The following RPA1 variants were observed in gnomAD, a reference collection of about 807,000 sequenced individuals.
The protein encoded by RPA1 is replication protein A 70 kDa DNA-binding subunit.
Under a neutral mutation model 83.0 loss-of-function variants are expected in RPA1, and 49 were observed. The ratio of observed to expected loss-of-function variants is 0.59; its 90% confidence interval spans 0.47 to 0.75. The LOEUF (loss-of-function observed/expected upper bound fraction) is 0.75. RPA1 is among the 30% of genes least tolerant of loss of function. The pLI is 0.00. For synonymous variants in RPA1, 279 were observed against 281.8 expected (o/e 0.99, Z 0.10); for missense variants, 693 against 776.1 (o/e 0.89, Z 1.27).
At chr17:1,872,230 C>T in intron 5 of RPA1, 1 of 689,730 alleles carries the variant, frequency 1.4e-6, no homozygotes, top group Non-Finnish European at 2.4e-6. Context: ...TAGATGGAGC[C>T]AACCTTTTGT....
rs368530033 is a variant in RPA1, at chr17:1,879,340, A to C, written c.885A>C (p.Leu295Phe). Residue 295 changes from leucine to phenylalanine, a missense_variant, in exon 10 of 17, where the codon TTA (leucine) becomes TTC (phenylalanine). Physicochemically the swap from Leu to Phe is conservative, Grantham distance 22. Transcript: ENST00000254719. ...SVMPCEDDHH[L>F]PTVQFDFTGI... ...TGCCCTGTGAGGACGACCATCATTT[A>C]CCTACGGTTCAGTTTGATTTCACGG... 22 of 1,614,174 alleles carry C rather than the reference A, an allele frequency of 1.4e-5. No homozygotes were observed. Among genetic ancestry groups the C allele is most frequent in the South Asian group, 4.4e-5 (4 of 91,080 alleles).
intron 5 of RPA1, among the ~76,000 whole-genome samples, chr17:1,859,810 T>A (rs1183418373): frequency 7.9e-5 from 12 of 151,928 alleles, no homozygotes; most frequent in Non-Finnish European, 1.6e-4. Flanking sequence ...TTATTTTGTT[T>A]TTTATTTATT....
intron 4 of RPA1, among the ~76,000 whole-genome samples, chr17:1,845,984 T>C (rs1362835990): frequency 1.3e-5 from 2 of 152,150 alleles, no homozygotes; most frequent in African/African-American, 4.8e-5. Flanking sequence ...ATGATAACAA[T>C]ACTAAGAGGT....
intron 5 of RPA1, chr17:1,854,092 A>G (rs1405214473): frequency 6.6e-6 from 1 of 152,226 alleles, no homozygotes; most frequent in African/African-American, 2.4e-5. Context: ...TGTATAGAAA[A>G]GCACATTGAA....
chr17:1,844,097 C>T (rs1019523013), intron 3 of RPA1, 99 bp downstream of exon 3: 13 of 981,642 alleles, frequency 1.3e-5, no homozygotes, highest in South Asian at 5.8e-5. Context: ...TCGTGAAGTC[C>T]GTACTTGCTT....
chr17:1,857,258 TTTC>T (rs1055039766), intron 5 of RPA1, among the ~76,000 whole-genome samples: 4 of 121,630 alleles, frequency 3.3e-5, no homozygotes, highest in Non-Finnish European at 4.9e-5. Flanking sequence ...TTTTTTTCTT[TTTC>T]TTTTTCTTTT....
At chr17:1,875,327 C>T (rs1373145293) in intron 6 of RPA1, among the ~76,000 whole-genome samples, 8 of 152,158 alleles carry the variant, frequency 5.3e-5, no homozygotes, top group African/African-American at 7.2e-5. Flanking sequence ...TTATCTTGCC[C>T]GTTGAGGCAA....
At chr17:1,852,968 G>T in intron 4 of RPA1, 133 bp from the exon 5 acceptor site, 3 of 690,750 alleles carry the variant, frequency 4.3e-6, no homozygotes, top group Non-Finnish European at 5.0e-6. Flanking sequence ...AAGATGAAGA[G>T]AAATATTTAT....
chr17:1,875,831 T>G (rs753625984), intron 7 of RPA1, 38 bp downstream of exon 7: 38 of 1,577,818 alleles, frequency 2.4e-5, no homozygotes, highest in Middle Eastern at 3.4e-4. Flanking sequence ...AGTGTACTTA[T>G]GAAATCGGAG....
intron 5 of RPA1, among the ~76,000 whole-genome samples, chr17:1,859,158 C>T (rs918050351): frequency 6.6e-6 from 1 of 152,158 alleles, no homozygotes; most frequent in Non-Finnish European, 1.5e-5. Context: ...CTGCCTTGGC[C>T]TCCCAAAGTG....
At chr17:1,848,008 TC>T (rs35580146) in intron 4 of RPA1, among the ~76,000 whole-genome samples, 206 of 122,316 alleles carry the variant, frequency 1.7e-3, no homozygotes, top group Admixed American at 3.4e-3. Context: ...AGACCCCATC[TC>T]CAAAAAAAAA....
chr17:1,839,314 T>G lies in RPA1; in HGVS notation c.34-3489T>G, dbSNP rs935047392. On this transcript the variant is annotated intron_variant, in intron 1 of 16. Transcript: ENST00000254719. ...ATCTGGCATTGTAAATTCTCCAGCT[T>G]CATTTTTATTTTTTATTTTTTATTT... is the stretch of plus-strand genomic sequence containing the variant. Among the ~76,000 whole-genome samples the G allele has an allele frequency of 7.3e-4, 111 of 152,044 alleles. 1 individual carries two copies. Among genetic ancestry groups the G allele is most frequent in the African/African-American group, 2.4e-3 (98 of 41,500 alleles).
intron 8 of RPA1, 143 bp downstream of exon 8, chr17:1,877,457 C>G (rs1051803359): frequency 3.0e-6 from 2 of 677,446 alleles, no homozygotes; most frequent in African/African-American, 3.6e-5. Context: ...AAACAGAAGG[C>G]TCAGCTCTGC....
intron 1 of RPA1, among the ~76,000 whole-genome samples, chr17:1,841,804 T>A (rs188001857): frequency 6.6e-6 from 1 of 152,222 alleles, no homozygotes. Flanking sequence ...GCATTACTTC[T>A]ATGCCTAGTT....
chr17:1,870,807 A>G (rs1447439438), intron 5 of RPA1, among the ~76,000 whole-genome samples: 1 of 152,136 alleles, frequency 6.6e-6, no homozygotes, highest in Non-Finnish European at 1.5e-5. Flanking sequence ...TCAGCAGGGG[A>G]TTTTCTAGTT....
chr17:1,846,816 G>A (rs1481741660), intron 4 of RPA1, among the ~76,000 whole-genome samples: 3 of 152,060 alleles, frequency 2.0e-5, no homozygotes, highest in Admixed American at 6.6e-5. Flanking sequence ...TCTGATGGAT[G>A]CATTGGCTTG....
chr17:1,849,415 C>T (rs1309927671), intron 4 of RPA1, among the ~76,000 whole-genome samples: 29 of 151,532 alleles, frequency 1.9e-4, no homozygotes, highest in Non-Finnish European at 3.7e-4. Context: ...GCCTCAGCCT[C>T]CCCAGTAGCT....
At chr17:1,836,109 T>TA (rs57358047) in intron 1 of RPA1, among the ~76,000 whole-genome samples, 49,523 of 151,746 alleles carry the variant, frequency 0.33, 10,339 homozygotes, top group Non-Finnish European at 0.48. Context: ...AATTGCACCT[T>TA]TTTTATTTAT....
At chr17:1,862,338 A>G (rs1304156794) in intron 5 of RPA1, among the ~76,000 whole-genome samples, 1 of 150,996 alleles carries the variant, frequency 6.6e-6, no homozygotes, top group African/African-American at 2.4e-5. Flanking sequence ...CCCAGCTTAG[A>G]ATGTAGCTCT....
Sources: allele counts gnomAD v4.1 joint callset (sites outside exome capture counted in the v4.1 genomes callset), GRCh38; gene constraint gnomAD v4.1.1; transcripts MANE v1.5; gene names NCBI Gene and HGNC (gene_info 2026-07-23, HGNC 2026-07-21).